Variants in GPR153 observed in about 807,000 individuals in gnomAD.
The protein encoded by GPR153 is probable G protein-coupled receptor 153.
Under a neutral mutation model 34.1 loss-of-function variants are expected in GPR153, and 27 were observed. The ratio of observed to expected loss-of-function variants is 0.79; its 90% CI spans 0.58 to 1.09. The LOEUF is 1.09. GPR153 is among the 50% of genes least tolerant of loss of function. The pLI is 0.00. For synonymous variants in GPR153, 408 were observed against 405.4 expected, an observed-to-expected ratio of 1.01 and a Z score of -0.08; for missense variants, 848 against 860.2, an observed-to-expected ratio of 0.99 and a Z score of 0.18.
rs1638334786 is a variant in GPR153 at position 6,247,808 on chromosome 1, G to C, written c.*1530C>G. The C allele has an allele frequency of 6.6e-6, 1 of 152,298 alleles. No individual in the cohort carries two copies. The highest frequency in any genetic ancestry group is 2.4e-5 in the African/African-American group (1 of 41,466). 9.4% of individuals were successfully genotyped at this position (152,298 alleles called of 1,614,324 possible). ...ATGGCCCCTCCCGCGGCCAGGGCTG[G>C]ATTGCAGTTCCCTGCCTTGCTCACC... On this transcript the variant is annotated 3_prime_UTR_variant, in exon 6 of 6. Transcript: ENST00000377893.
chr1:6,257,406 C>G lies in GPR153; in HGVS notation c.-109-2392G>C, dbSNP rs148867310. 2.8e-3 allele frequency among the ~76,000 whole-genome samples: 419 copies of G among 152,328 alleles called. 3 individuals carry two copies. Among genetic ancestry groups the G allele is most frequent in the African/African-American group, 9.6e-3 (399 of 41,580 alleles). Reference sequence around the variant, plus strand: ...GGGCAGGCAGTCTGCTATGTCAGCCCCCAGCTGGTCTTCCAGAGCCAGGAC... The same window carrying G: ...GGGCAGGCAGTCTGCTATGTCAGCCGCCAGCTGGTCTTCCAGAGCCAGGAC... On this transcript the variant is annotated intron_variant, in intron 1 of 5. Coordinates refer to ENST00000377893, the MANE Select transcript of GPR153 (RefSeq NM_207370.4).
chr1:6,251,626 G>A lies in GPR153; in HGVS notation c.787-96C>T. On this transcript the variant is annotated intron_variant, in intron 3 of 5. Transcript: ENST00000377893. This position sits in a 1 kb window ranked among gnomAD's most constrained non-coding sequence, Gnocchi z 4.9. ...GTCTCCCCATGTGTACGGCAGGTCTGACAGGTGGGTATCTGCCAAGGAGAA... is the reference window on the plus strand; with the variant it reads ...GTCTCCCCATGTGTACGGCAGGTCTAACAGGTGGGTATCTGCCAAGGAGAA... 1 of 1,312,568 alleles carries A rather than the reference G, an allele frequency of 7.6e-7. No homozygotes were observed. The highest frequency in any genetic ancestry group is 1.0e-6 in the Non-Finnish European group (1 of 986,034). 81.3% of individuals were successfully genotyped at this position (1,312,568 alleles called of 1,614,324 possible).
rs1454394419 is a variant in GPR153, at chr1:6,251,991, G to A, written c.787-461C>T. Among the ~76,000 whole-genome samples the A allele has an allele frequency of 1.3e-5, 2 of 152,140 alleles. No homozygotes were observed. The highest frequency in any genetic ancestry group is 1.3e-4 in the Admixed American group (2 of 15,274). On this transcript the variant is annotated intron_variant, in intron 3 of 5. Coordinates refer to ENST00000377893, the MANE Select transcript of GPR153 (RefSeq NM_207370.4). The surrounding 1 kb of genome is among the most constrained non-coding windows in gnomAD (Gnocchi z 4.9). The stretch of plus-strand genomic sequence containing the variant: ...CCCCTTTTTGAGATGAGGAAACTGA[G>A]GCTTAGAGAACCAGGTCTCAAGCCT...
chr1:6,253,130 G>A (rs567185610), intron 3 of GPR153, among the ~76,000 whole-genome samples: 2 of 152,304 alleles, frequency 1.3e-5, no homozygotes, highest in African/African-American at 4.8e-5. Flanking sequence ...AGTGGTTCAC[G>A]CTTGTAATCC....
chr1:6,247,623 T>C lies in GPR153; in HGVS notation c.*1715A>G, dbSNP rs1299697846. 6.6e-6 allele frequency: 1 copy of C among 152,238 alleles called. No homozygotes were observed. The highest frequency in any genetic ancestry group is 1.5e-5 in the Non-Finnish European group (1 of 68,050). The allele number at this position is 152,238 out of a possible 1,614,324, so 9.4% of individuals were successfully genotyped here. On this transcript the variant is annotated 3_prime_UTR_variant, in exon 6 of 6. Coordinates refer to ENST00000377893, the MANE Select transcript of GPR153 (RefSeq NM_207370.4). ...TCCCCCTGCAAGTATTGCCGTTGGA[T>C]ATGAAACACACAGAGCAAAACCCCA...
rs910209269 is a variant in GPR153 at position 6,251,681 on chromosome 1, G to A, written c.787-151C>T. 14 of 915,836 alleles carry A rather than the reference G, an allele frequency of 1.5e-5. No homozygotes were observed. The highest frequency in any genetic ancestry group is 8.4e-5 in the African/African-American group (5 of 59,596). The allele number at this position is 915,836 out of a possible 1,614,324, so 56.7% of individuals were successfully genotyped here. On this transcript the variant is annotated intron_variant, in intron 3 of 5. Coordinates refer to ENST00000377893, the MANE Select transcript of GPR153 (RefSeq NM_207370.4). The surrounding 1 kb of genome is among the most constrained non-coding windows in gnomAD (Gnocchi z 4.9). The stretch of plus-strand genomic sequence containing the variant: ...CCCTTGGGGAGAAAAGAGCTGGAGC[G>A]TGGCAGTGGGAGGCCCCGCCTTCCG...
At position 6,251,509 on chromosome 1, in the gene GPR153, G is replaced by A. The variant is rs761505788; in HGVS notation, c.808C>T (p.Arg270Trp). 59 of 1,602,652 alleles carry A rather than the reference G, an allele frequency of 3.7e-5. No homozygotes were observed. The highest frequency in any genetic ancestry group is 4.7e-5 in the Non-Finnish European group (55 of 1,175,682). ...ATCCAGGGCGCTGAGGCGTCGGCCC[G>A]CAGGCTGCTGAAGCTCACCACCTGT... ...PVLVVSFSSL[R>W]ADASAPWMAL... The change falls in exon 4 of 6, where the codon CGG (arginine) becomes TGG (tryptophan). Residue 270 changes from arginine to tryptophan, a missense_variant. By Grantham distance (101) the Arg-to-Trp change is moderately radical. Transcript: ENST00000377893. This position sits in a 1 kb window ranked among gnomAD's most constrained non-coding sequence, Gnocchi z 4.9.
At chr1:6,257,386 G>A (rs551386122) in intron 1 of GPR153, among the ~76,000 whole-genome samples, 2 of 152,346 alleles carry the variant, frequency 1.3e-5, no homozygotes, top group Non-Finnish European at 2.9e-5. Flanking sequence ...AGAGGGGGCA[G>A]GCAGTCTGCT....
intron 1 of GPR153, among the ~76,000 whole-genome samples, chr1:6,257,860 G>A (rs1484931079): frequency 1.3e-5 from 2 of 152,248 alleles, no homozygotes; most frequent in African/African-American, 4.8e-5. Context: ...CAGGCAGTGT[G>A]GGAGAAGCCC....
At chr1:6,252,636 T>C (rs886908608) in intron 3 of GPR153, among the ~76,000 whole-genome samples, 4 of 152,178 alleles carry the variant, frequency 2.6e-5, no homozygotes, top group Non-Finnish European at 5.9e-5. Context: ...ATTCTGGAGC[T>C]CATGTCCTCA....
At chr1:6,254,514 T>A in intron 2 of GPR153, 36 bp downstream of exon 2, 1 of 1,506,688 alleles carries the variant, frequency 6.6e-7, no homozygotes, top group Non-Finnish European at 9.0e-7. Context: ...CACGCCTGCT[T>A]AGAACCCCAA....
Position 6,254,074 on chromosome 1 carries a change from G to T in GPR153, c.430C>A (p.Leu144Met). Residue 144 changes from leucine (L) to methionine (M), a missense_variant, in exon 3 of 6, where the codon CTG becomes ATG. Physicochemically the swap from Leu to Met is conservative, Grantham distance 15. Coordinates refer to ENST00000377893, the MANE Select transcript of GPR153 (RefSeq NM_207370.4). ...IWMVSFILSA[L>M]PAVGWHDTSE... ...GTGTCGTGCCAGCCAACGGCAGGCA[G>T]GGCCGACAGGATGAAGGACACCATC... 6.2e-7 allele frequency: 1 copy of T among 1,613,582 alleles called. No homozygotes were observed. Among genetic ancestry groups the T allele is most frequent in the African/African-American group, 1.3e-5 (1 of 75,058 alleles).
At chr1:6,257,010 G>T (rs377608940) in intron 1 of GPR153, among the ~76,000 whole-genome samples, 2 of 152,178 alleles carry the variant, frequency 1.3e-5, no homozygotes, top group South Asian at 4.1e-4. Flanking sequence ...CCCAATAAGT[G>T]CGTATTCCCT....
At chr1:6,253,653 C>A (rs1373045316) in intron 3 of GPR153, 65 bp downstream of exon 3, 3 of 1,397,968 alleles carry the variant, frequency 2.1e-6, no homozygotes, top group Non-Finnish European at 2.9e-6. Context: ...CACCTGATGC[C>A]TGGAGTATGA....
Position 6,249,567 on chromosome 1 carries a change from G to C in GPR153, c.1601C>G (p.Pro534Arg), listed in dbSNP as rs1157896932. The change falls in exon 6 of 6, where the codon CCC becomes CGC. Residue 534 changes from proline to arginine, a missense_variant. Pro to Arg is a moderately radical substitution (Grantham distance 103). Coordinates refer to ENST00000377893, the MANE Select transcript of GPR153 (RefSeq NM_207370.4). This position sits in a 1 kb window ranked among gnomAD's most constrained non-coding sequence, Gnocchi z 4.3. ...AAPAAPDGAD[P>R]GEAPTPPSSA... ...GCTTGGGGGCGTCGGGGCCTCTCCGGGATCTGCGCCGTCGGGGGCGGCGGG... is the reference window on the plus strand; with the variant it reads ...GCTTGGGGGCGTCGGGGCCTCTCCGCGATCTGCGCCGTCGGGGGCGGCGGG... The C allele has an allele frequency of 4.2e-6, 5 of 1,185,290 alleles. No individual in the cohort carries two copies. Among genetic ancestry groups the C allele is most frequent in the African/African-American group, 1.6e-5 (1 of 62,356 alleles). The allele number at this position is 1,185,290 out of a possible 1,614,324, so 73.4% of individuals were successfully genotyped here.
chr1:6,250,330 AC>A, intron 5 of GPR153, 109 bp downstream of exon 5: 1 of 1,452,684 alleles, frequency 6.9e-7, no homozygotes, highest in Non-Finnish European at 9.1e-7. Flanking sequence ...GGTGACAGCC[AC>A]CCCTGCGACT....
rs916341494 is a variant in GPR153 at position 6,249,874 on chromosome 1, C to G, written c.1294G>C (p.Gly432Arg). Residue 432 changes from glycine (G) to arginine (R), a missense_variant, in exon 6 of 6, where the codon GGG (glycine) becomes CGG (arginine). Transcript: ENST00000377893. The surrounding 1 kb of genome is among the most constrained non-coding windows in gnomAD (Gnocchi z 4.3). ...AGGCTGGCGCGGCGCCGCTCGGGCC[C>G]GGCAGGCAGCACCAGGTGCGCCAGG... ...AALAHLVLPA[G>R]PERRRASLLA... is the part of the protein sequence containing the mutation. The G allele has an allele frequency of 1.0e-5, 13 of 1,285,300 alleles. No homozygotes were observed. The highest frequency in any genetic ancestry group is 3.1e-5 in the African/African-American group (2 of 64,236). 79.6% of individuals were successfully genotyped at this position (1,285,300 alleles called of 1,614,324 possible).
At chr1:6,256,884 C>T (rs1638579028) in intron 1 of GPR153, among the ~76,000 whole-genome samples, 1 of 152,218 alleles carries the variant, frequency 6.6e-6, no homozygotes, top group Non-Finnish European at 1.5e-5. Context: ...CGGGGAAGGC[C>T]CTGGCGCACC....
In GPR153 at chr1:6,251,599, C is replaced by T. The variant is rs779444223; in HGVS notation, c.787-69G>A. Reference sequence around the variant, plus strand: ...CATCACACAAGCTCCCCCTGAGTCTCGGTCTCCCCATGTGTACGGCAGGTC... The same window carrying T: ...CATCACACAAGCTCCCCCTGAGTCTTGGTCTCCCCATGTGTACGGCAGGTC... On this transcript the variant is annotated intron_variant, in intron 3 of 5. Transcript: ENST00000377893. The surrounding 1 kb of genome is among the most constrained non-coding windows in gnomAD (Gnocchi z 4.9). The T allele has an allele frequency of 8.2e-6, 12 of 1,457,870 alleles. No homozygotes were observed. In the Admixed American group the frequency reaches 1.1e-4, roughly 14 times the overall value. The allele number at this position is 1,457,870 out of a possible 1,614,324, so 90.3% of individuals were successfully genotyped here.
Sources: allele counts gnomAD v4.1 joint callset (sites outside exome capture counted in the v4.1 genomes callset), GRCh38; gene constraint gnomAD v4.1.1; non-coding constraint Gnocchi (gnomAD v3.1); transcripts MANE v1.5; gene names NCBI Gene and HGNC (gene_info 2026-07-23, HGNC 2026-07-21).